Variants in CSGALNACT1 observed in about 807,000 individuals in gnomAD.
CSGALNACT1 encodes the protein chondroitin sulfate N-acetylgalactosaminyltransferase 1, also known as beta4GalNAcT-1.
CSGALNACT1 carries 52 observed loss-of-function variants against 51.0 expected under a neutral mutation model. The ratio of observed to expected loss-of-function variants is 1.02; its 90% CI spans 0.82 to 1.29. The LOEUF is 1.29. CSGALNACT1 is among the 50% of genes most tolerant of loss of function. The pLI, the probability that CSGALNACT1 is intolerant of heterozygous loss-of-function variation, is 0.00. For missense variants in CSGALNACT1, 935 were observed against 679.2 expected (o/e 1.38, Z -4.19); for synonymous variants, 341 against 254.4 (o/e 1.34, Z -3.24).
At chr8:19,527,359 G>A (rs2081922378) in intron 3 of CSGALNACT1, among the ~76,000 whole-genome samples, 1 of 152,138 alleles carries the variant, frequency 6.6e-6, no homozygotes, top group South Asian at 2.1e-4. Flanking sequence ...TCAGCACTTT[G>A]GGAGGCTGAG....
upstream of CSGALNACT1, among the ~76,000 whole-genome samples, chr8:19,686,791 A>T (rs2061002989): frequency 6.6e-6 from 1 of 152,228 alleles, no homozygotes; most frequent in African/African-American, 2.4e-5. Flanking sequence ...CCAGACAGGG[A>T]TACCATCCAT....
At chr8:19,468,963 G>C (rs113116539) in intron 4 of CSGALNACT1, among the ~76,000 whole-genome samples, 2 of 152,264 alleles carry the variant, frequency 1.3e-5, no homozygotes, top group African/African-American at 4.8e-5. Context: ...ATGTGCAAGG[G>C]TCACTGAGAA....
At chr8:19,550,073 A>G (rs969787083) in intron 3 of CSGALNACT1, among the ~76,000 whole-genome samples, 1 of 152,108 alleles carries the variant, frequency 6.6e-6, no homozygotes, top group Non-Finnish European at 1.5e-5. Flanking sequence ...ATGGAAATTC[A>G]TATTTTTCAA....
chr8:19,458,983 G>GT (rs949741120), intron 4 of CSGALNACT1, among the ~76,000 whole-genome samples: 2 of 152,082 alleles, frequency 1.3e-5, no homozygotes, highest in African/African-American at 4.8e-5. Context: ...GGGATTATGT[G>GT]TTTTTTTCTT....
chr8:19,714,422 T>C (rs971467398), intron 1 of CSGALNACT1, among the ~76,000 whole-genome samples: 45 of 152,274 alleles, frequency 3.0e-4, no homozygotes, highest in African/African-American at 1.1e-3. Flanking sequence ...TTTGGGAAAC[T>C]TCTCAGCCAC....
chr8:19,475,043 C>T (rs1039351437), intron 4 of CSGALNACT1, among the ~76,000 whole-genome samples: 1 of 152,018 alleles, frequency 6.6e-6, no homozygotes, highest in African/African-American at 2.4e-5. Context: ...GGGTGCACTG[C>T]GAGAAATCCC....
At chr8:19,687,565 C>T (rs1001265001), upstream of CSGALNACT1, among the ~76,000 whole-genome samples, 4 of 152,180 alleles carry the variant, frequency 2.6e-5, no homozygotes, top group East Asian at 7.7e-4. Flanking sequence ...GATTATGTTA[C>T]TCCGTCCATG....
In CSGALNACT1 at chr8:19,681,357, G is replaced by A. The variant is rs540433833; in HGVS notation, c.-544+1116C>T. On this transcript the variant is annotated intron_variant, in intron 1 of 9. Coordinates refer to the CSGALNACT1 transcript ENST00000332246. ...AGACCAGCAGATCCATAAATGCAGC[G>A]GGAGAGAGAGGCAAAGGGGGAAATG... is the stretch of plus-strand genomic sequence containing the variant. 1.1e-4 allele frequency among the ~76,000 whole-genome samples: 17 copies of A among 152,248 alleles called. No individual in the cohort carries two copies. In the South Asian group the frequency reaches 2.3e-3, roughly 20 times the overall value.
At chr8:19,619,148 A>C (rs2053479080) in intron 1 of CSGALNACT1, among the ~76,000 whole-genome samples, 1 of 151,596 alleles carries the variant, frequency 6.6e-6, no homozygotes, top group African/African-American at 2.4e-5. Flanking sequence ...GCATCTAATC[A>C]CATTAGACTA....
intron 8 of CSGALNACT1, among the ~76,000 whole-genome samples, chr8:19,409,731 G>A (rs2055247744): frequency 1.3e-5 from 2 of 152,176 alleles, no homozygotes; most frequent in South Asian, 4.1e-4. Flanking sequence ...TATAGATTTT[G>A]TTGGGGACAT....
intron 1 of CSGALNACT1, among the ~76,000 whole-genome samples, chr8:19,752,073 A>C (rs931991085): frequency 2.9e-5 from 2 of 68,008 alleles, no homozygotes; most frequent in Non-Finnish European, 5.6e-5. Context: ...TTTTTATATG[A>C]TATGATGATG....
At chr8:19,608,670 T>C (rs2051746107) in intron 1 of CSGALNACT1, among the ~76,000 whole-genome samples, 1 of 152,130 alleles carries the variant, frequency 6.6e-6, no homozygotes, top group African/African-American at 2.4e-5. Flanking sequence ...GCAGAATGAG[T>C]AAAGTTTGTT....
At chr8:19,659,078 C>G (rs143380620) in intron 1 of CSGALNACT1, among the ~76,000 whole-genome samples, 2 of 152,280 alleles carry the variant, frequency 1.3e-5, no homozygotes, top group African/African-American at 4.8e-5. Flanking sequence ...ACCCACCCAC[C>G]ACCTTACATG....
intron 6 of CSGALNACT1, among the ~76,000 whole-genome samples, chr8:19,434,807 A>C (rs1279372290): frequency 6.6e-6 from 1 of 152,126 alleles, no homozygotes; most frequent in Non-Finnish European, 1.5e-5. Flanking sequence ...CATTTTAGCA[A>C]ATGAGATGGT....
intron 1 of CSGALNACT1, among the ~76,000 whole-genome samples, chr8:19,656,604 A>C (rs949640381): frequency 5.6e-4 from 77 of 138,736 alleles, no homozygotes; most frequent in Non-Finnish European, 7.9e-4. Flanking sequence ...CCCCCCCCAC[A>C]CACACACACG....
chr8:19,744,355 G>C (rs1386440501), intron 1 of CSGALNACT1, among the ~76,000 whole-genome samples: 1 of 152,104 alleles, frequency 6.6e-6, no homozygotes, highest in Non-Finnish European at 1.5e-5. Flanking sequence ...AAAACAACTT[G>C]GTTCAAATAG....
chr8:19,529,590 A>G (rs886934913), intron 3 of CSGALNACT1, among the ~76,000 whole-genome samples: 7 of 152,364 alleles, frequency 4.6e-5, no homozygotes, highest in African/African-American at 1.7e-4. Flanking sequence ...ACGTATCAAT[A>G]TCAAAATAGC....
chr8:19,648,486 A>G (rs1268227520), intron 1 of CSGALNACT1, among the ~76,000 whole-genome samples: 1 of 152,166 alleles, frequency 6.6e-6, no homozygotes, highest in Non-Finnish European at 1.5e-5. Context: ...CATCGATTTC[A>G]CCAAGGCTTT....
intron 5 of CSGALNACT1, among the ~76,000 whole-genome samples, chr8:19,448,253 G>A (rs1359504219): frequency 1.3e-5 from 2 of 152,150 alleles, no homozygotes; most frequent in Admixed American, 6.5e-5. Context: ...CTAGGGAATC[G>A]TGGATTCAAT....
Sources: allele counts gnomAD v4.1 joint callset (sites outside exome capture counted in the v4.1 genomes callset), GRCh38; gene constraint gnomAD v4.1.1; transcripts MANE v1.5; gene names NCBI Gene and HGNC (gene_info 2026-07-23, HGNC 2026-07-21).